Variants in DNAH12 observed in about 807,000 individuals in gnomAD.
DNAH12 encodes dynein axonemal heavy chain 12, also known as axonemal beta dynein heavy chain 12.
DNAH12 carries 285 observed loss-of-function variants against 371.5 expected under a neutral mutation model. That is an observed-to-expected ratio of 0.77 (90% CI 0.70 to 0.85). The LOEUF (loss-of-function observed/expected upper bound fraction) is 0.85, where lower values mean the gene tolerates loss of function less well. Ranked by LOEUF, DNAH12 falls within the 40% of genes least tolerant of loss-of-function variation. The pLI is 0.00. For synonymous variants in DNAH12, 1,200 were observed against 1,213.0 expected (o/e 0.99, Z 0.22); for missense variants, 3,611 against 3,689.4 (o/e 0.98, Z 0.55).
intron 37 of DNAH12, 41 bp downstream of exon 37, chr3:57,419,326 C>T (rs1195079421): frequency 3.4e-6 from 5 of 1,462,106 alleles, no homozygotes; most frequent in Non-Finnish European, 4.5e-6. Context: ...TAAAATGGTA[C>T]TTTTACATTC....
At chr3:57,427,668 T>C (rs1559647101) in intron 34 of DNAH12, among the ~76,000 whole-genome samples, 1 of 151,472 alleles carries the variant, frequency 6.6e-6, no homozygotes, top group Non-Finnish European at 1.5e-5. Flanking sequence ...CCAGCCTGGG[T>C]GACAGAGCAA....
At chr3:57,517,681 T>G (rs2068247873) in intron 4 of DNAH12, among the ~76,000 whole-genome samples, 1 of 152,186 alleles carries the variant, frequency 6.6e-6, no homozygotes, top group Non-Finnish European at 1.5e-5. Flanking sequence ...GTTTGACCCT[T>G]AGAATTAAAG....
At chr3:57,546,496 G>A (rs958217905), upstream of DNAH12, among the ~76,000 whole-genome samples, 2 of 152,004 alleles carry the variant, frequency 1.3e-5, no homozygotes, top group Admixed American at 6.6e-5. Flanking sequence ...CACACACCAC[G>A]ACATCGGCTA....
chr3:57,418,251 G>A (rs193034132), intron 37 of DNAH12, among the ~76,000 whole-genome samples: 1 of 150,304 alleles, frequency 6.7e-6, no homozygotes, highest in Admixed American at 6.7e-5. Context: ...AATGGTTCTT[G>A]GCACAAAAGA....
At chr3:57,329,351 T>C (rs2062033639) in intron 62 of DNAH12, among the ~76,000 whole-genome samples, 1 of 124,678 alleles carries the variant, frequency 8.0e-6, no homozygotes, top group Non-Finnish European at 1.6e-5. Context: ...ATGGTACTGG[T>C]ACCAAAACAG....
rs1015866672 is a variant in DNAH12, at chr3:57,437,054, A to G, written c.4552T>C (p.Leu1518=). ...TTGCAGGCTTCATGAGCACATTCCA[A>G]AAATTCCTGAAATAAAAAAAAGTAA... ...KLPEADYHEF[L]ECAHEACNVH... is the part of the protein sequence containing the mutation. The change falls in exon 30 of 74, where the codon TTG becomes CTG. Residue 1518 remains leucine, a synonymous_variant. Coordinates refer to ENST00000495027, the MANE Select transcript of DNAH12 (RefSeq NM_001366028.2). 1 of 1,517,952 alleles carries G rather than the reference A, an allele frequency of 6.6e-7. No individual in the cohort carries two copies. Among genetic ancestry groups the G allele is most frequent in the Non-Finnish European group, 8.8e-7 (1 of 1,136,754 alleles). 94.0% of individuals were successfully genotyped at this position (1,517,952 alleles called of 1,614,324 possible).
At chr3:57,357,574 AAGG>A (rs2062829183) in intron 58 of DNAH12, among the ~76,000 whole-genome samples, 3 of 152,160 alleles carry the variant, frequency 2.0e-5, no homozygotes, top group South Asian at 4.1e-4. Flanking sequence ...GAAGGAGAGA[AAGG>A]AGGAACAAGA....
rs1468117078 is a variant in DNAH12 at position 57,428,724 on chromosome 3, G to A, written c.5162C>T (p.Pro1721Leu). Reference sequence around the variant, plus strand: ...AGCTTGATATTCTGGTTCACACAGAGGTCCTTTCAGTGAATTCAACCAAGA... The same window carrying A: ...AGCTTGATATTCTGGTTCACACAGAAGTCCTTTCAGTGAATTCAACCAAGA... ...VSSWLNSLKG[P>L]LCEPEYQALL... is the part of the protein sequence containing the mutation. The change falls in exon 34 of 74, where the codon CCT (proline) becomes CTT (leucine). Residue 1721 changes from proline to leucine, a missense_variant. Physicochemically the swap from Pro to Leu is moderately conservative, Grantham distance 98. Transcript: ENST00000495027. 4.8e-5 allele frequency: 74 copies of A among 1,551,416 alleles called. No homozygotes were observed. The highest frequency in any genetic ancestry group is 3.3e-4 in the Middle Eastern group (2 of 6,012).
intron 70 of DNAH12, among the ~76,000 whole-genome samples, chr3:57,300,239 C>T (rs1266304676): frequency 6.6e-6 from 1 of 152,166 alleles, no homozygotes; most frequent in Non-Finnish European, 1.5e-5. Flanking sequence ...GACCATGACG[C>T]TGGCCCCAGT....
At chr3:57,448,388 G>A (rs1305956190) in intron 25 of DNAH12, among the ~76,000 whole-genome samples, 1 of 152,128 alleles carries the variant, frequency 6.6e-6, no homozygotes, top group South Asian at 2.1e-4. Context: ...ACTGGCTTCA[G>A]GAGAGAAGCT....
intron 25 of DNAH12, among the ~76,000 whole-genome samples, chr3:57,447,931 T>C (rs1379002694): frequency 6.6e-6 from 1 of 152,144 alleles, no homozygotes; most frequent in Non-Finnish European, 1.5e-5. Flanking sequence ...TGCCTTAGTC[T>C]CCCAAAGTCC....
At chr3:57,493,556 T>C (rs1398381916) in intron 11 of DNAH12, 2 of 152,182 alleles carry the variant, frequency 1.3e-5, no homozygotes, top group East Asian at 1.9e-4. Flanking sequence ...AATGCATTTA[T>C]GCATTCACAA....
In DNAH12 at chr3:57,302,553, A is replaced by G. The variant is rs1181434340; in HGVS notation, c.11190-614T>C. On this transcript the variant is annotated intron_variant, in intron 69 of 73. Coordinates refer to ENST00000495027, the MANE Select transcript of DNAH12 (RefSeq NM_001366028.2). ...TGTATATATATATATATATATATAT[A>G]TATATATATATGTATTTTTTTTTTT... 1.6e-3 allele frequency among the ~76,000 whole-genome samples: 138 copies of G among 86,372 alleles called. 5 individuals are homozygous for G. The highest frequency in any genetic ancestry group is 2.7e-3 in the East Asian group (2 of 734). The allele number at this position is 86,372 out of a possible 152,430, so 56.7% of individuals were successfully genotyped here. A position where few individuals can be genotyped will look rare whatever the true frequency, so the allele number is the denominator to read the frequency against.
At chr3:57,374,394 G>A (rs1250799162) in intron 55 of DNAH12, among the ~76,000 whole-genome samples, 2 of 152,108 alleles carry the variant, frequency 1.3e-5, no homozygotes, top group Non-Finnish European at 2.9e-5. Context: ...TTAGATGATA[G>A]TGTCACTACA....
At chr3:57,501,180 T>C (rs960540256) in intron 11 of DNAH12, 141 bp downstream of exon 11, 1 of 650,700 alleles carries the variant, frequency 1.5e-6, no homozygotes, top group East Asian at 3.3e-5. Flanking sequence ...ACTAAAGAAA[T>C]TGTAAGGTAA....
intron 45 of DNAH12, among the ~76,000 whole-genome samples, chr3:57,389,796 A>ATGTGTGTGTGTG: frequency 2.5e-5 from 2 of 78,812 alleles, no homozygotes; most frequent in East Asian, 2.5e-3. Context: ...ATATATACAC[A>ATGTGTGTGTGTG]TATGTGTGTG....
At chr3:57,540,240 AG>A (rs138465016) in intron 2 of DNAH12, among the ~76,000 whole-genome samples, 3,858 of 151,926 alleles carry the variant, frequency 0.025, 89 homozygotes, top group African/African-American at 0.061. Context: ...TAGTAGAGAC[AG>A]GGTTTTGCCA....
intron 59 of DNAH12, 45 bp from the exon 60 acceptor site, chr3:57,352,270 A>G (rs2062695495): frequency 2.0e-6 from 3 of 1,496,460 alleles, no homozygotes; most frequent in Non-Finnish European, 2.7e-6. Flanking sequence ...CAAAACTAAG[A>G]AAATATAAGC....
chr3:57,550,769 C>G, the DNAH12 span, among the ~76,000 whole-genome samples: 4 of 152,004 alleles, frequency 2.6e-5, no homozygotes, highest in South Asian at 6.2e-4. Context: ...GTGATCCACC[C>G]GCCCTGGCCT....
Sources: allele counts gnomAD v4.1 joint callset (sites outside exome capture counted in the v4.1 genomes callset), GRCh38; gene constraint gnomAD v4.1.1; transcripts MANE v1.5; gene names NCBI Gene and HGNC (gene_info 2026-07-23, HGNC 2026-07-21).